The following COL26A1 variants were observed in gnomAD, a reference collection of about 807,000 sequenced individuals.
COL26A1 encodes collagen alpha-1(XXVI) chain.
COL26A1 carries 41 observed loss-of-function variants against 59.3 expected under a neutral mutation model. That is an observed-to-expected ratio of 0.69 (90% CI 0.54 to 0.90). The LOEUF (loss-of-function observed/expected upper bound fraction) is 0.90, where lower values mean the gene tolerates loss of function less well. COL26A1 is among the 40% of genes least tolerant of loss of function. The pLI is 0.00. For missense variants in COL26A1, 612 were observed against 602.3 expected (o/e 1.02, Z -0.17); for synonymous variants, 266 against 256.0 (o/e 1.04, Z -0.37).
At chr7:101,494,809 G>A (rs142439681) in intron 3 of COL26A1, among the ~76,000 whole-genome samples, 9 of 152,302 alleles carry the variant, frequency 5.9e-5, no homozygotes, top group Admixed American at 1.3e-4. Context: ...GCTTGGTCCC[G>A]GCGCCATGGC....
intron 3 of COL26A1, among the ~76,000 whole-genome samples, chr7:101,489,800 T>C (rs866812194): frequency 0.13 from 329 of 2,458 alleles, 58 homozygotes; most frequent in Middle Eastern, 0.5. Flanking sequence ...CTTTCTTTCT[T>C]TCTTTCTTTC....
intron 3 of COL26A1, among the ~76,000 whole-genome samples, chr7:101,471,293 G>A (rs114312790): frequency 1.7e-3 from 256 of 152,228 alleles, no homozygotes; most frequent in African/African-American, 5.9e-3. Context: ...GAATAGGGTG[G>A]CTGATGTGGA....
At chr7:101,473,608 CCACACACACACACACACACACACA>C (rs150820078) in intron 3 of COL26A1, among the ~76,000 whole-genome samples, 46 of 143,474 alleles carry the variant, frequency 3.2e-4, no homozygotes, top group East Asian at 2.3e-3. Context: ...CACCTTGTCT[CCACACACACACACACACACACACA>C]CACACACACA....
intron 3 of COL26A1, among the ~76,000 whole-genome samples, chr7:101,498,373 G>C (rs1451185066): frequency 6.6e-6 from 1 of 152,142 alleles, no homozygotes; most frequent in Non-Finnish European, 1.5e-5. Flanking sequence ...GTTCCTCGGG[G>C]CTCCCCCTGG....
chr7:101,459,407 C>T (rs1330096495), intron 3 of COL26A1, among the ~76,000 whole-genome samples: 1 of 152,024 alleles, frequency 6.6e-6, no homozygotes, highest in Non-Finnish European at 1.5e-5. Context: ...TGAAGCGATT[C>T]TCCTGCCTCA....
At chr7:101,402,394 TCAC>T (rs1415391939) in intron 1 of COL26A1, among the ~76,000 whole-genome samples, 1 of 152,132 alleles carries the variant, frequency 6.6e-6, no homozygotes, top group Non-Finnish European at 1.5e-5. Context: ...TCCTGGTTCG[TCAC>T]CAGCTTGCCG....
At chr7:101,542,655 A>G (rs573573268) in intron 5 of COL26A1, among the ~76,000 whole-genome samples, 2 of 152,286 alleles carry the variant, frequency 1.3e-5, no homozygotes, top group South Asian at 4.1e-4. Flanking sequence ...GAGATGCATG[A>G]CACAGGTGGC....
intron 1 of COL26A1, among the ~76,000 whole-genome samples, chr7:101,365,833 G>A (rs1289790869): frequency 1.3e-5 from 2 of 151,624 alleles, no homozygotes; most frequent in Non-Finnish European, 2.9e-5. Context: ...AAAAAAAAAG[G>A]TGTTTGCAGC....
intron 8 of COL26A1, among the ~76,000 whole-genome samples, chr7:101,548,178 T>C (rs1795780228): frequency 6.6e-6 from 1 of 152,116 alleles, no homozygotes; most frequent in South Asian, 2.1e-4. Context: ...ACTCCTGACA[T>C]TTGTCCCCTG....
At chr7:101,448,933 C>G (rs957089110) in intron 3 of COL26A1, among the ~76,000 whole-genome samples, 3 of 152,228 alleles carry the variant, frequency 2.0e-5, no homozygotes, top group Admixed American at 6.5e-5. Flanking sequence ...GTCTAAAGAG[C>G]TCTTTGGGTT....
chr7:101,461,362 G>C (rs112909309), intron 3 of COL26A1, among the ~76,000 whole-genome samples: 2 of 150,092 alleles, frequency 1.3e-5, no homozygotes, highest in Non-Finnish European at 3.0e-5. Context: ...GTAATGACAC[G>C]ATCTCAGCTC....
chr7:101,544,111 C>A lies in COL26A1; in HGVS notation c.703+15C>A, dbSNP rs1296676575. On this transcript the variant is annotated intron_variant, in intron 6 of 12. Coordinates refer to ENST00000313669, the MANE Select transcript of COL26A1 (RefSeq NM_001278563.3). ...GGGGCCGCCTGGTAAGAAAACCCCCCACATATGTGATGTTGTCAACCTGCG... is the reference window on the plus strand; with the variant it reads ...GGGGCCGCCTGGTAAGAAAACCCCCAACATATGTGATGTTGTCAACCTGCG... The A allele has an allele frequency of 1.9e-6, 3 of 1,580,804 alleles. No individual in the cohort carries two copies. The highest frequency in any genetic ancestry group is 2.6e-6 in the Non-Finnish European group (3 of 1,160,598).
At chr7:101,365,895 C>T (rs999239235) in intron 1 of COL26A1, among the ~76,000 whole-genome samples, 4 of 152,086 alleles carry the variant, frequency 2.6e-5, no homozygotes, top group East Asian at 3.9e-4. Context: ...AGAGCGGGAG[C>T]GAATGGGGAC....
At chr7:101,419,934 C>G (rs537585269) in intron 1 of COL26A1, 43 bp from the exon 2 acceptor site, 1 of 1,602,582 alleles carries the variant, frequency 6.2e-7, no homozygotes, top group African/African-American at 1.3e-5. Context: ...GTTGGCAGCT[C>G]TGGGAACAGG....
intron 1 of COL26A1, among the ~76,000 whole-genome samples, chr7:101,378,920 C>T (rs950196077): frequency 7.2e-5 from 11 of 151,994 alleles, no homozygotes; most frequent in Non-Finnish European, 8.8e-5. Flanking sequence ...AGGATGTCTG[C>T]GGCTGTGCGG....
intron 3 of COL26A1, among the ~76,000 whole-genome samples, chr7:101,469,733 G>T (rs753262452): frequency 6.6e-6 from 1 of 151,886 alleles, no homozygotes; most frequent in Non-Finnish European, 1.5e-5. Context: ...CAAGTGATCC[G>T]CCCACCTCAG....
At chr7:101,373,677 A>G (rs953297404) in intron 1 of COL26A1, among the ~76,000 whole-genome samples, 2 of 152,136 alleles carry the variant, frequency 1.3e-5, no homozygotes, top group Non-Finnish European at 2.9e-5. Flanking sequence ...TAGGGGAACC[A>G]TGGAGACTCC....
chr7:101,401,703 T>TAGG (rs141869729), intron 1 of COL26A1, among the ~76,000 whole-genome samples: 44,779 of 111,080 alleles, frequency 0.4, 7,890 homozygotes, highest in African/African-American at 0.55. Context: ...GGAGGAAGAG[T>TAGG]AGGAGGTAGA....
intron 3 of COL26A1, among the ~76,000 whole-genome samples, chr7:101,484,731 T>C (rs1297763022): frequency 6.6e-6 from 1 of 151,778 alleles, no homozygotes; most frequent in Non-Finnish European, 1.5e-5. Context: ...AGTGGCACAG[T>C]CTCGGCTCAC....
Sources: allele counts gnomAD v4.1 joint callset (sites outside exome capture counted in the v4.1 genomes callset), GRCh38; gene constraint gnomAD v4.1.1; transcripts MANE v1.5; gene names NCBI Gene and HGNC (gene_info 2026-07-23, HGNC 2026-07-21).